The following DPP6 variants were observed in gnomAD, a reference collection of about 807,000 sequenced individuals.
DPP6 encodes the protein A-type potassium channel modulatory protein DPP6.
A neutral mutation model predicts 122.6 loss-of-function variants in DPP6; 69 were observed. The observed-to-expected ratio is 0.56, with a 90% CI of 0.46 to 0.69. The LOEUF is 0.69. DPP6 is among the 30% of genes least tolerant of loss of function. The pLI is 0.00. For synonymous variants in DPP6, 418 were observed against 433.1 expected, an observed-to-expected ratio of 0.97 and a Z score of 0.43; for missense variants, 928 against 1,116.9, an observed-to-expected ratio of 0.83 and a Z score of 2.41.
intron 1 of DPP6, among the ~76,000 whole-genome samples, chr7:154,022,689 C>T (rs1489434534): frequency 1.3e-5 from 2 of 152,148 alleles, no homozygotes; most frequent in Admixed American, 6.5e-5. Flanking sequence ...AGCTGAATTG[C>T]ACCTCCAGTT....
chr7:154,627,010 T>C (rs1485105094), intron 5 of DPP6, among the ~76,000 whole-genome samples: 3 of 110,220 alleles, frequency 2.7e-5, no homozygotes, highest in African/African-American at 7.2e-5. Flanking sequence ...CTTTTTTTTT[T>C]TTTTTTTTTT....
At chr7:154,705,144 C>A (rs957916881) in intron 7 of DPP6, among the ~76,000 whole-genome samples, 5 of 152,070 alleles carry the variant, frequency 3.3e-5, no homozygotes, top group Non-Finnish European at 1.5e-5. Context: ...GAAGGGAGGG[C>A]ATAGAAAATA....
chr7:154,097,349 G>A (rs1469742892), intron 1 of DPP6, among the ~76,000 whole-genome samples: 4 of 152,220 alleles, frequency 2.6e-5, no homozygotes, highest in Admixed American at 6.5e-5. Context: ...CGCTTATTCC[G>A]AGGCCTCTAT....
Position 154,240,837 on chromosome 7 carries a change from C to T in DPP6, c.243+187774C>T, listed in dbSNP as rs905566539. Reference sequence around the variant, plus strand: ...ACAATGACAGTTTCTTAATTGCTCTCAGTGGATTTTATGTAGGATAGACAG... The same window carrying T: ...ACAATGACAGTTTCTTAATTGCTCTTAGTGGATTTTATGTAGGATAGACAG... On this transcript the variant is annotated intron_variant, in intron 1 of 25. Coordinates refer to ENST00000377770, the MANE Select transcript of DPP6 (RefSeq NM_130797.4). Among the ~76,000 whole-genome samples the T allele has an allele frequency of 2.0e-5, 3 of 152,152 alleles. No homozygotes were observed. In the East Asian group the frequency reaches 5.8e-4, roughly 29 times the overall value.
At chr7:154,332,061 G>A (rs1006875754) in intron 1 of DPP6, among the ~76,000 whole-genome samples, 5 of 149,514 alleles carry the variant, frequency 3.3e-5, no homozygotes, top group African/African-American at 1.0e-4. Context: ...TCTTCACCTC[G>A]TGCTTTTTAA....
At chr7:154,381,737 A>G (rs1224177282) in intron 1 of DPP6, among the ~76,000 whole-genome samples, 1 of 152,252 alleles carries the variant, frequency 6.6e-6, no homozygotes, top group Admixed American at 6.5e-5. Flanking sequence ...GTATTATTAC[A>G]TGAGAGTATT....
chr7:154,055,325 G>T (rs1339689045), intron 1 of DPP6, among the ~76,000 whole-genome samples: 6 of 133,126 alleles, frequency 4.5e-5, no homozygotes, highest in African/African-American at 1.7e-4. Flanking sequence ...AAACTTTTAT[G>T]CACTCTTCTT....
At chr7:153,830,422 A>G in the DPP6 span, among the ~76,000 whole-genome samples, 5 of 152,208 alleles carry the variant, frequency 3.3e-5, no homozygotes, top group African/African-American at 9.6e-5. Flanking sequence ...AAAAAATGAA[A>G]CAGTGATTGG....
At chr7:154,889,568 A>G (rs759632377) in intron 25 of DPP6, 38 bp downstream of exon 25, 2 of 1,580,848 alleles carry the variant, frequency 1.3e-6, no homozygotes, top group African/African-American at 2.7e-5. Context: ...AACCTGGAGC[A>G]AGACATTCCT....
At chr7:154,137,650 T>TGGGG (rs1419049474) in intron 1 of DPP6, among the ~76,000 whole-genome samples, 47 of 10,058 alleles carry the variant, frequency 4.7e-3, no homozygotes, top group Non-Finnish European at 5.9e-3. Context: ...GTGGGGGGGG[T>TGGGG]GGGGGGGTGG....
intron 8 of DPP6, among the ~76,000 whole-genome samples, chr7:154,748,279 AG>A (rs1169686935): frequency 6.6e-6 from 1 of 152,198 alleles, no homozygotes; most frequent in Non-Finnish European, 1.5e-5. Flanking sequence ...TGTCTCAGTC[AG>A]TCTGCAGTAA....
intron 1 of DPP6, among the ~76,000 whole-genome samples, chr7:154,297,017 T>C (rs1332034833): frequency 2.0e-5 from 3 of 152,184 alleles, no homozygotes; most frequent in Non-Finnish European, 4.4e-5. Context: ...TAAACATCTT[T>C]ATTCCTGAAA....
At chr7:153,810,156 T>C in the DPP6 span, among the ~76,000 whole-genome samples, 9 of 152,360 alleles carry the variant, frequency 5.9e-5, no homozygotes, top group Non-Finnish European at 1.2e-4. Flanking sequence ...AGTACCATGC[T>C]TCTCATCTCA....
At position 154,853,837 on chromosome 7, in the gene DPP6, CT is replaced by C. The variant is rs761849570; in HGVS notation, c.1714+18del. On this transcript the variant is annotated intron_variant, in intron 17 of 25. Coordinates refer to ENST00000377770, the MANE Select transcript of DPP6 (RefSeq NM_130797.4). ...ACAACAGATAAGAAAAGTAAGTGCT[CT>C]TTTTTTTCCTTAAATCTTCCTGAGA... 17 of 1,612,378 alleles carry C rather than the reference CT, an allele frequency of 1.1e-5. No homozygotes were observed. Among genetic ancestry groups the C allele is most frequent in the Non-Finnish European group, 5.9e-6 (7 of 1,179,270 alleles).
chr7:153,905,667 G>T (rs1338551239), intron 1 of DPP6, among the ~76,000 whole-genome samples: 1 of 152,158 alleles, frequency 6.6e-6, no homozygotes, highest in African/African-American at 2.4e-5. Context: ...AAAATTAAAT[G>T]AAATGTAAAA....
chr7:154,179,424 C>G (rs912925979), intron 1 of DPP6, among the ~76,000 whole-genome samples: 1 of 152,130 alleles, frequency 6.6e-6, no homozygotes, highest in African/African-American at 2.4e-5. Context: ...CTTAGAATTT[C>G]TTTTACATTA....
intron 1 of DPP6, among the ~76,000 whole-genome samples, chr7:154,127,620 C>CACACACAG (rs1807996481): frequency 2.5e-5 from 3 of 119,404 alleles, no homozygotes; most frequent in African/African-American, 8.1e-5. Context: ...CACACACACA[C>CACACACAG]ACACACACAC....
At chr7:154,030,069 A>G (rs1471167795) in intron 1 of DPP6, among the ~76,000 whole-genome samples, 1 of 151,968 alleles carries the variant, frequency 6.6e-6, no homozygotes, top group African/African-American at 2.4e-5. Flanking sequence ...GGCGGCGCAC[A>G]CCTGTAGTTC....
chr7:154,558,824 G>A (rs759144311), intron 4 of DPP6, among the ~76,000 whole-genome samples: 7 of 152,160 alleles, frequency 4.6e-5, no homozygotes, highest in Non-Finnish European at 7.3e-5. Context: ...ATGACTAATG[G>A]CCACTATGGA....
Sources: allele counts gnomAD v4.1 joint callset (sites outside exome capture counted in the v4.1 genomes callset), GRCh38; gene constraint gnomAD v4.1.1; transcripts MANE v1.5; gene names NCBI Gene and HGNC (gene_info 2026-07-23, HGNC 2026-07-21).